Variants in RNF170 observed in about 807,000 individuals in gnomAD.
RNF170 encodes the protein E3 ubiquitin-protein ligase RNF170.
In RNF170, 12 loss-of-function variants were observed where a neutral mutation model predicts 32.7. That is an observed-to-expected ratio of 0.37 (90% CI 0.24 to 0.60). The LOEUF (loss-of-function observed/expected upper bound fraction) is 0.60, where lower values mean the gene tolerates loss of function less well. Among genes scored for constraint, RNF170 ranks in the 20% least tolerant of loss-of-function variants. RNF170 has a pLI of 0.72. For missense variants in RNF170, 212 were observed against 311.2 expected (o/e 0.68, Z 2.40); for synonymous variants, 91 against 103.6 (o/e 0.88, Z 0.74).
intron 2 of RNF170, among the ~76,000 whole-genome samples, chr8:42,884,947 C>T (rs1224992373): frequency 6.6e-6 from 1 of 151,766 alleles, no homozygotes; most frequent in Non-Finnish European, 1.5e-5. Context: ...GATGATCCGC[C>T]TGCCTCAGCC....
chr8:42,868,657 A>C (rs1238463925), intron 4 of RNF170, among the ~76,000 whole-genome samples: 1 of 152,100 alleles, frequency 6.6e-6, no homozygotes, highest in Non-Finnish European at 1.5e-5. Flanking sequence ...GTTCGAGACC[A>C]GTCTGGCCAA....
intron 2 of RNF170, among the ~76,000 whole-genome samples, chr8:42,882,519 T>C (rs1186608569): frequency 6.6e-6 from 1 of 152,146 alleles, no homozygotes; most frequent in Non-Finnish European, 1.5e-5. Flanking sequence ...CCATACCCAA[T>C]GAAATATTAT....
chr8:42,852,813 CA>C (rs1802975197), downstream of RNF170, among the ~76,000 whole-genome samples: 1 of 151,256 alleles, frequency 6.6e-6, no homozygotes, highest in South Asian at 2.1e-4. Context: ...CTGTGGTCTG[CA>C]AATTAATTTA....
intron 4 of RNF170, among the ~76,000 whole-genome samples, chr8:42,867,471 C>CAA (rs34272095): frequency 2.2e-3 from 77 of 35,524 alleles, no homozygotes; most frequent in Non-Finnish European, 3.0e-3. Context: ...AACTCCGTCT[C>CAA]AAAAAAAAAA....
chr8:42,861,964 C>T, intron 5 of RNF170, 109 bp from the exon 6 acceptor site: 1 of 1,249,730 alleles, frequency 8.0e-7, no homozygotes, highest in Non-Finnish European at 1.1e-6. Context: ...TTATATTTCA[C>T]TCATTTTTAA....
intron 3 of RNF170, among the ~76,000 whole-genome samples, chr8:42,873,457 A>G (rs1410241544): frequency 6.6e-6 from 1 of 152,186 alleles, no homozygotes; most frequent in East Asian, 1.9e-4. Context: ...TCGATCTGGT[A>G]AAAAGCAAAG....
chr8:42,892,632 C>T lies in RNF170; in HGVS notation c.-8+3852G>A, dbSNP rs1420738525. ...TCCAAGCATATAAAGTAATATCTTA[C>T]TGGATTTATTTTTTCATGTTATTTG... On this transcript the variant is annotated intron_variant, in intron 1 of 6. Coordinates refer to ENST00000527424, the MANE Select transcript of RNF170 (RefSeq NM_030954.4). 2.0e-5 allele frequency among the ~76,000 whole-genome samples: 3 copies of T among 150,208 alleles called. No individual in the cohort carries two copies. In the East Asian group the frequency reaches 5.8e-4, roughly 29 times the overall value.
At position 42,854,242 on chromosome 8, in the gene RNF170, A is replaced by G. The variant is rs924420629; in HGVS notation, c.*1917T>C. The G allele has an allele frequency of 4.7e-6, 6 of 1,287,118 alleles. No individual in the cohort carries two copies. The highest frequency in any genetic ancestry group is 5.5e-5 in the East Asian group (1 of 18,040). 79.7% of individuals were successfully genotyped at this position (1,287,118 alleles called of 1,614,324 possible). A position where few individuals can be genotyped will look rare whatever the true frequency, so the allele number is the denominator to read the frequency against. ...TCTGATGGAGGTATAATGTAGCACG[A>G]AAGACTTCCAAAGAACCAGTTTCTC... On this transcript the variant is annotated 3_prime_UTR_variant, in exon 7 of 7. Transcript: ENST00000527424.
chr8:42,893,946 A>C (rs1806523928), intron 1 of RNF170, among the ~76,000 whole-genome samples: 1 of 152,192 alleles, frequency 6.6e-6, no homozygotes, highest in South Asian at 2.1e-4. Context: ...AGACAAGTTC[A>C]ACTCACCTCT....
downstream of RNF170, chr8:42,851,060 C>G: frequency 6.5e-7 from 1 of 1,539,656 alleles, no homozygotes; most frequent in South Asian, 1.2e-5. Flanking sequence ...TCCCACTGCA[C>G]GTAAATCCAA....
intron 1 of RNF170, among the ~76,000 whole-genome samples, chr8:42,891,037 T>C (rs1806258505): frequency 6.6e-6 from 1 of 152,222 alleles, no homozygotes; most frequent in Admixed American, 6.5e-5. Flanking sequence ...AGGACTTCTG[T>C]TCTCCAACTT....
At chr8:42,889,494 T>C (rs1806117606) in intron 1 of RNF170, 2 of 152,308 alleles carry the variant, frequency 1.3e-5, no homozygotes, top group East Asian at 1.9e-4. Flanking sequence ...ATGTAACTTA[T>C]TGAGCTGAAA....
chr8:42,891,779 TCTA>T (rs1291451989), intron 1 of RNF170, among the ~76,000 whole-genome samples: 1 of 152,160 alleles, frequency 6.6e-6, no homozygotes, highest in Non-Finnish European at 1.5e-5. Flanking sequence ...TTCACTTCCT[TCTA>T]CTGCTAAATT....
At chr8:42,874,084 G>A (rs1422385380) in intron 2 of RNF170, 78 bp from the exon 3 acceptor site, 9 of 831,970 alleles carry the variant, frequency 1.1e-5, no homozygotes, top group South Asian at 9.7e-5. Context: ...TCTACTTTCT[G>A]ACTTATAACT....
chr8:42,857,591 A>G (rs1185748839), intron 6 of RNF170, among the ~76,000 whole-genome samples: 1 of 152,252 alleles, frequency 6.6e-6, no homozygotes, highest in East Asian at 1.9e-4. Flanking sequence ...AACTTACTCC[A>G]ACTTTGAAGG....
At chr8:42,896,076 G>A (rs1002272498) in intron 1 of RNF170, 26 of 206,178 alleles carry the variant, frequency 1.3e-4, no homozygotes, top group Non-Finnish European at 2.4e-4. Context: ...AGAACGATCC[G>A]CCTCGCCATT....
rs1203413447 is a variant in RNF170 at position 42,854,342 on chromosome 8, G to A, written c.*1817C>T. 3 of 1,287,042 alleles carry A rather than the reference G, an allele frequency of 2.3e-6. No individual in the cohort carries two copies. In the East Asian group the frequency reaches 1.7e-4, roughly 71 times the overall value. The allele number at this position is 1,287,042 out of a possible 1,614,324, so 79.7% of individuals were successfully genotyped here. ...AGGAGTCCTACTAAGAAATTTTGGT[G>A]TAATGCCACTTTGATCAGTTATTTG... On this transcript the variant is annotated 3_prime_UTR_variant, in exon 7 of 7. Coordinates refer to ENST00000527424, the MANE Select transcript of RNF170 (RefSeq NM_030954.4).
At chr8:42,864,885 A>G (rs1037892402) in intron 5 of RNF170, among the ~76,000 whole-genome samples, 1 of 152,072 alleles carries the variant, frequency 6.6e-6, no homozygotes, top group South Asian at 2.1e-4. Context: ...TAGGATTTCA[A>G]ATAGGATTCC....
chr8:42,873,835 C>T (rs1437736393), intron 3 of RNF170, 96 bp downstream of exon 3: 1 of 771,178 alleles, frequency 1.3e-6, no homozygotes, highest in Non-Finnish European at 2.3e-6. Flanking sequence ...GAAAGAAGCC[C>T]ATGTTTCCAA....
Sources: allele counts gnomAD v4.1 joint callset (sites outside exome capture counted in the v4.1 genomes callset), GRCh38; gene constraint gnomAD v4.1.1; transcripts MANE v1.5; gene names NCBI Gene and HGNC (gene_info 2026-07-23, HGNC 2026-07-21).